CPNE6: variants seen among roughly 807,000 people sequenced by gnomAD.
The protein encoded by CPNE6 is copine 6, also known as copine-6.
CPNE6 carries 33 observed loss-of-function variants against 71.5 expected under a neutral mutation model. That is an observed-to-expected ratio of 0.46 (90% confidence interval 0.35 to 0.62). CPNE6 has a LOEUF of 0.62. CPNE6 is among the 20% of genes least tolerant of loss of function. The pLI is 0.00. For missense variants in CPNE6, 576 were observed against 747.3 expected, an observed-to-expected ratio of 0.77 and a Z score of 2.67; for synonymous variants, 296 against 293.0, an observed-to-expected ratio of 1.01 and a Z score of -0.10.
In CPNE6 at chr14:24,073,345, C is replaced by T. The variant is rs1254482377; in HGVS notation, c.169-154C>T. Among the ~76,000 whole-genome samples, 1 of 152,140 alleles carries T rather than the reference C, an allele frequency of 6.6e-6. No homozygotes were observed. Among genetic ancestry groups the T allele is most frequent in the African/African-American group, 2.4e-5 (1 of 41,426 alleles). On this transcript the variant is annotated intron_variant, in intron 3 of 17. Transcript: ENST00000397016. This position sits in a 1 kb window ranked among gnomAD's most constrained non-coding sequence, Gnocchi z 5.5. ...GACTGAGAGTCCAGTGGGCAGGCAGCACCCCAAGCTCAGGGATCAGCTTAG... is the reference window on the plus strand; with the variant it reads ...GACTGAGAGTCCAGTGGGCAGGCAGTACCCCAAGCTCAGGGATCAGCTTAG...
chr14:24,074,018 C>A lies in CPNE6; in HGVS notation c.349-33C>A. Reference sequence around the variant, plus strand: ...ACGTGGCCAAGGCAGATGGGGATGTCACAGCTGGGTCTCCCTCCACCTCCA... The same window carrying A: ...ACGTGGCCAAGGCAGATGGGGATGTAACAGCTGGGTCTCCCTCCACCTCCA... On this transcript the variant is annotated intron_variant, in intron 4 of 17. Coordinates refer to ENST00000397016, the Ensembl canonical transcript of CPNE6. This position sits in a 1 kb window ranked among gnomAD's most constrained non-coding sequence, Gnocchi z 4.5. The A allele has an allele frequency of 6.3e-7, 1 of 1,583,160 alleles. No individual in the cohort carries two copies. Among genetic ancestry groups the A allele is most frequent in the Non-Finnish European group, 8.7e-7 (1 of 1,151,834 alleles).
chr14:24,074,414 C>T lies in CPNE6; in HGVS notation c.498+49C>T. On this transcript the variant is annotated intron_variant, in intron 6 of 17. Transcript: ENST00000397016. This position sits in a 1 kb window ranked among gnomAD's most constrained non-coding sequence, Gnocchi z 4.5. ...CCCAACTCCCCTGTCACTCCTAGGC[C>T]TCCCACTCAAGACAGATCCCAGGAG... The T allele has an allele frequency of 3.2e-6, 5 of 1,553,422 alleles. No individual in the cohort carries two copies. Among genetic ancestry groups the T allele is most frequent in the Non-Finnish European group, 4.4e-6 (5 of 1,145,808 alleles).
chr14:24,073,929 C>A lies in CPNE6; in HGVS notation c.349-122C>A. On this transcript the variant is annotated intron_variant, in intron 4 of 17. Transcript: ENST00000397016. The surrounding 1 kb of genome is among the most constrained non-coding windows in gnomAD (Gnocchi z 5.5). ...GACTATTGTAAAAATTGAGCCCAAC[C>A]CTAGCCCAACTCAAAGTGCCAACCC... 1.0e-6 allele frequency: 1 copy of A among 998,766 alleles called. No individual in the cohort carries two copies. The highest frequency in any genetic ancestry group is 1.6e-6 in the Non-Finnish European group (1 of 640,606). 61.9% of individuals were successfully genotyped at this position (998,766 alleles called of 1,614,324 possible).
At position 24,074,754 on chromosome 14, in the gene CPNE6, C is replaced by A; in HGVS notation, c.631C>A (p.Leu211Met). 1 of 1,613,994 alleles carries A rather than the reference C, an allele frequency of 6.2e-7. No individual in the cohort carries two copies. The change falls in exon 8 of 18, where the codon CTG (leucine) becomes ATG (methionine). Residue 211 changes from leucine (L) to methionine (M), a missense_variant. Physicochemically the swap from Leu to Met is conservative, Grantham distance 15. Around this residue, in one of 4 missense-constraint regions of CPNE6, gnomAD observed 214 missense variants for 291.2 expected, o/e 0.73. Transcript: ENST00000397016. The surrounding 1 kb of genome is among the most constrained non-coding windows in gnomAD (Gnocchi z 4.5). Reference sequence around the variant, plus strand: ...CAGCTGGGAGCCGTTCCGCCTGTCCCTGCATTCCCTATGCAGCTGTGATGT... The same window carrying A: ...CAGCTGGGAGCCGTTCCGCCTGTCCATGCATTCCCTATGCAGCTGTGATGT...
In CPNE6 at chr14:24,075,904, G is replaced by A. The variant is rs769377376; in HGVS notation, c.924+18G>A. 3 of 1,613,748 alleles carry A rather than the reference G, an allele frequency of 1.9e-6. No individual in the cohort carries two copies. Among genetic ancestry groups the A allele is most frequent in the South Asian group, 1.1e-5 (1 of 91,066 alleles). ...GCTTCACGGTAAAGACTCAGAGGGAGGGCACACAGGCAAGAGGGAGGGGCT... is the reference window on the plus strand; with the variant it reads ...GCTTCACGGTAAAGACTCAGAGGGAAGGCACACAGGCAAGAGGGAGGGGCT... On this transcript the variant is annotated intron_variant, in intron 11 of 17. Transcript: ENST00000397016. This position sits in a 1 kb window ranked among gnomAD's most constrained non-coding sequence, Gnocchi z 4.3.
rs201287113 is a variant in CPNE6, at chr14:24,074,060, C to A, written c.358C>A (p.Gln120Lys). Residue 120 changes from glutamine to lysine, a missense_variant, in exon 5 of 18, where the codon CAA (glutamine) becomes AAA (lysine). Around this residue, in one of 4 missense-constraint regions of CPNE6, gnomAD observed 214 missense variants for 291.2 expected, o/e 0.73. Transcript: ENST00000397016. The surrounding 1 kb of genome is among the most constrained non-coding windows in gnomAD (Gnocchi z 4.5). ...CCACCTCCATCCCCAGATTGTGTCACAAACCAAGGTCACTAAGCCATTATT... is the reference window on the plus strand; with the variant it reads ...CCACCTCCATCCCCAGATTGTGTCAAAAACCAAGGTCACTAAGCCATTATT... 1 of 1,614,042 alleles carries A rather than the reference C, an allele frequency of 6.2e-7. No homozygotes were observed. The highest frequency in any genetic ancestry group is 8.5e-7 in the Non-Finnish European group (1 of 1,180,026).
Position 24,077,244 on chromosome 14 carries a change from A to G in CPNE6, c.1390A>G (p.Met464Val), listed in dbSNP as rs1436450336. The G allele has an allele frequency of 6.2e-7, 1 of 1,613,500 alleles. No homozygotes were observed. Among genetic ancestry groups the G allele is most frequent in the South Asian group, 1.1e-5 (1 of 91,078 alleles). The change falls in exon 16 of 18, where the codon ATG (methionine) becomes GTG (valine). Residue 464 changes from methionine to valine, a missense_variant. By Grantham distance (21) the Met-to-Val change is conservative. Around this residue, in one of 4 missense-constraint regions of CPNE6, gnomAD observed 264 missense variants for 339.9 expected, o/e 0.78. Coordinates refer to ENST00000397016, the Ensembl canonical transcript of CPNE6. This position sits in a 1 kb window ranked among gnomAD's most constrained non-coding sequence, Gnocchi z 6.1. Reference sequence around the variant, plus strand: ...TATCGTGCGTGCCTCCCGCCTGCCCATGTCCATCATCATCGTAGGCGTGGG... The same window carrying G: ...TATCGTGCGTGCCTCCCGCCTGCCCGTGTCCATCATCATCGTAGGCGTGGG...
Position 24,077,018 on chromosome 14 carries a change from A to T in CPNE6, c.1299+6A>T, listed in dbSNP as rs1234678427. On this transcript the variant is annotated splice_donor_region_variant and intron_variant, in intron 15 of 17. Coordinates refer to ENST00000397016, the Ensembl canonical transcript of CPNE6. This position sits in a 1 kb window ranked among gnomAD's most constrained non-coding sequence, Gnocchi z 6.1. ...AGAGCACCGGCCAAGCCACGGTAGG[A>T]AGACATGGCGGGCAAACAGGAGCTG... 3.7e-6 allele frequency: 6 copies of T among 1,609,058 alleles called. No homozygotes were observed. The highest frequency in any genetic ancestry group is 3.3e-5 in the South Asian group (3 of 91,072).
At position 24,075,996 on chromosome 14, in the gene CPNE6, C is replaced by T. The variant is rs555468794; in HGVS notation, c.924+110C>T. ...CCAACTTGGGCTGCTCATGAGCCTT[C>T]GCATTGTCAGCTTATGCACCCCCAC... is the stretch of plus-strand genomic sequence containing the variant. On this transcript the variant is annotated intron_variant, in intron 11 of 17. Coordinates refer to ENST00000397016, the Ensembl canonical transcript of CPNE6. The surrounding 1 kb of genome is among the most constrained non-coding windows in gnomAD (Gnocchi z 4.3). 2.6e-6 allele frequency: 4 copies of T among 1,511,504 alleles called. No individual in the cohort carries two copies. The highest frequency in any genetic ancestry group is 2.3e-5 in the East Asian group (1 of 44,086). 93.6% of individuals were successfully genotyped at this position (1,511,504 alleles called of 1,614,324 possible).
Position 24,077,192 on chromosome 14 carries a change from G to C in CPNE6, c.1338G>C (p.Val446=), listed in dbSNP as rs372883856. The change falls in exon 16 of 18, where the codon GTG becomes GTC. Residue 446 remains valine, a synonymous_variant. Coordinates refer to ENST00000397016, the Ensembl canonical transcript of CPNE6. This position sits in a 1 kb window ranked among gnomAD's most constrained non-coding sequence, Gnocchi z 6.1. ...TGCTGGTGCTCACTGACGGTGTGGT[G>C]AGCGACATGGCTGAGACTCGCACTG... 4 of 1,609,178 alleles carry C rather than the reference G, an allele frequency of 2.5e-6. No individual in the cohort carries two copies. Among genetic ancestry groups the C allele is most frequent in the Non-Finnish European group, 3.4e-6 (4 of 1,179,932 alleles).
At position 24,074,910 on chromosome 14, in the gene CPNE6, C is replaced by A; in HGVS notation, c.672+115C>A. On this transcript the variant is annotated intron_variant, in intron 8 of 17. Coordinates refer to ENST00000397016, the Ensembl canonical transcript of CPNE6. The surrounding 1 kb of genome is among the most constrained non-coding windows in gnomAD (Gnocchi z 4.5). ...TCTCCCCCAAGTGATAATCACATCC[C>A]ACTGTGGGATAAATAATAGGTCACA... The A allele has an allele frequency of 1.2e-6, 1 of 862,484 alleles. No individual in the cohort carries two copies. Among genetic ancestry groups the A allele is most frequent in the Non-Finnish European group, 1.9e-6 (1 of 532,768 alleles). The allele number at this position is 862,484 out of a possible 1,614,324, so 53.4% of individuals were successfully genotyped here. A position where few individuals can be genotyped will look rare whatever the true frequency, so the allele number is the denominator to read the frequency against.
intron 11 of CPNE6, 93 bp from the exon 11 acceptor site, chr14:24,076,056 T>C: frequency 6.4e-7 from 1 of 1,554,818 alleles, no homozygotes; most frequent in South Asian, 1.2e-5. Flanking sequence ...TCCCCACCAC[T>C]CATCTTAGTC....
rs755460754 is a variant in CPNE6, at chr14:24,074,745, C to G, written c.622C>G (p.Arg208Gly). The G allele has an allele frequency of 6.2e-7, 1 of 1,614,046 alleles. No individual in the cohort carries two copies. Among genetic ancestry groups the G allele is most frequent in the East Asian group, 2.2e-5 (1 of 44,870 alleles). Residue 208 changes from arginine to glycine, a missense_variant, in exon 8 of 18, where the codon CGC (arginine) becomes GGC (glycine). Transcript: ENST00000397016. The surrounding 1 kb of genome is among the most constrained non-coding windows in gnomAD (Gnocchi z 4.5). ...CCTGAACCCCAGCTGGGAGCCGTTC[C>G]GCCTGTCCCTGCATTCCCTATGCAG...
chr14:24,077,175 C>G lies in CPNE6; in HGVS notation c.1321C>G (p.Leu441Val). 1 of 1,606,248 alleles carries G rather than the reference C, an allele frequency of 6.2e-7. No homozygotes were observed. The change falls in exon 16 of 18, where the codon CTC becomes GTC. Residue 441 changes from leucine to valine, a missense_variant. Around this residue, in one of 4 missense-constraint regions of CPNE6, gnomAD observed 264 missense variants for 339.9 expected, o/e 0.78. Coordinates refer to ENST00000397016, the Ensembl canonical transcript of CPNE6. The surrounding 1 kb of genome is among the most constrained non-coding windows in gnomAD (Gnocchi z 6.1). The stretch of plus-strand genomic sequence containing the variant: ...TCAGAAGTACTCGGTGCTGCTGGTG[C>G]TCACTGACGGTGTGGTGAGCGACAT...
In CPNE6 at chr14:24,073,439, A is replaced by T; in HGVS notation, c.169-60A>T. Reference sequence around the variant, plus strand: ...GCTGGCATGACTAGGGCAGTCCAGGACAGGGAAAAGTATCCTCGGTTCCCA... The same window carrying T: ...GCTGGCATGACTAGGGCAGTCCAGGTCAGGGAAAAGTATCCTCGGTTCCCA... On this transcript the variant is annotated intron_variant, in intron 3 of 17. Transcript: ENST00000397016. The surrounding 1 kb of genome is among the most constrained non-coding windows in gnomAD (Gnocchi z 5.5). 1 of 1,567,578 alleles carries T rather than the reference A, an allele frequency of 6.4e-7. No homozygotes were observed. The highest frequency in any genetic ancestry group is 8.7e-7 in the Non-Finnish European group (1 of 1,153,104).
rs944788536 is a variant in CPNE6 at position 24,073,752 on chromosome 14, A to G, written c.348+74A>G. The G allele has an allele frequency of 6.7e-7, 1 of 1,495,972 alleles. No homozygotes were observed. The highest frequency in any genetic ancestry group is 1.4e-5 in the African/African-American group (1 of 71,494). The allele number at this position is 1,495,972 out of a possible 1,614,324, so 92.7% of individuals were successfully genotyped here. On this transcript the variant is annotated intron_variant, in intron 4 of 17. Transcript: ENST00000397016. The surrounding 1 kb of genome is among the most constrained non-coding windows in gnomAD (Gnocchi z 5.5). The stretch of plus-strand genomic sequence containing the variant: ...TTGCCTCTGGAAGCCAAAAAGAGAG[A>G]AAACATGAGCTCTAGAGCTAGTTCA...
chr14:24,076,596 G>C (rs1389753843), intron 14 of CPNE6, 39 bp downstream of exon 13: 1 of 1,612,254 alleles, frequency 6.2e-7, no homozygotes. Context: ...CCTCCCCGCA[G>C]ACACACTCCA....
chr14:24,076,659 C>A, intron 14 of CPNE6, 102 bp downstream of exon 13: 1 of 1,523,404 alleles, frequency 6.6e-7, no homozygotes, highest in Non-Finnish European at 9.0e-7. Flanking sequence ...CCCTTCCACC[C>A]ATCCCAGGCC....
chr14:24,077,392 T>A lies in CPNE6; in HGVS notation c.1536+2T>A, dbSNP rs1410360541. On this transcript the variant is annotated splice_donor_variant, in intron 16 of 17. Coordinates refer to ENST00000397016, the Ensembl canonical transcript of CPNE6. LOFTEE classifies it high-confidence loss of function. This position sits in a 1 kb window ranked among gnomAD's most constrained non-coding sequence, Gnocchi z 6.1. ...GTGCCCTTCCGAGACTTCAAGGATG[T>A]GAGTCCCCCGGGCCCCTTCCGGCTG... The A allele has an allele frequency of 6.2e-7, 1 of 1,613,236 alleles. No individual in the cohort carries two copies. The highest frequency in any genetic ancestry group is 1.3e-5 in the African/African-American group (1 of 74,860).
Sources: gnomAD v4.1 joint callset for allele counts (sites outside exome capture counted in the v4.1 genomes callset) on GRCh38, gnomAD v4.1.1 for gene constraint, gnomAD v4.1.1 regional missense constraint, Gnocchi (gnomAD v3.1) non-coding constraint, MANE v1.5 for transcripts, NCBI Gene and HGNC (gene_info 2026-07-23, HGNC 2026-07-21) for gene names.